Variants in DAGLA observed in about 807,000 individuals in gnomAD.
DAGLA encodes the protein diacylglycerol lipase-alpha.
DAGLA carries 22 observed loss-of-function variants against 102.6 expected under a neutral mutation model. The observed-to-expected ratio is 0.21, with a 90% CI of 0.15 to 0.31. The LOEUF is 0.31. Among genes scored for constraint, DAGLA ranks in the 10% least tolerant of loss-of-function variants. DAGLA has a pLI of 1.00. For synonymous variants in DAGLA, 578 were observed against 628.9 expected (o/e 0.92, Z 1.21); for missense variants, 927 against 1,446.6 (o/e 0.64, Z 5.83).
chr11:61,737,334 C>G lies in DAGLA; in HGVS notation c.1514+10C>G. ...CAGGGGGCCTGCTGAGGTGAGCCAT[C>G]TGGGGCTTCAGAGTTGGCTGGGGCA... On this transcript the variant is annotated intron_variant, in intron 14 of 19. Coordinates refer to ENST00000257215, the MANE Select transcript of DAGLA (RefSeq NM_006133.3). 6.2e-7 allele frequency: 1 copy of G among 1,609,476 alleles called. No individual in the cohort carries two copies. The highest frequency in any genetic ancestry group is 8.5e-7 in the Non-Finnish European group (1 of 1,180,006).
At chr11:61,733,260 G>C (rs1406174930) in intron 9 of DAGLA, among the ~76,000 whole-genome samples, 2 of 152,310 alleles carry the variant, frequency 1.3e-5, no homozygotes, top group East Asian at 3.9e-4. Context: ...CACTGTTACA[G>C]CCTCATGCTC....
intron 1 of DAGLA, among the ~76,000 whole-genome samples, chr11:61,710,095 T>C (rs1291279116): frequency 2.6e-5 from 4 of 151,904 alleles, no homozygotes; most frequent in Non-Finnish European, 5.9e-5. Flanking sequence ...ACAGCTTCAT[T>C]AGGGGGCCCC....
intron 1 of DAGLA, among the ~76,000 whole-genome samples, chr11:61,685,014 G>A (rs957292082): frequency 2.6e-5 from 4 of 152,130 alleles, no homozygotes; most frequent in East Asian, 3.8e-4. Flanking sequence ...ACCCTTCTGT[G>A]TGCTACCTGG....
chr11:61,698,093 A>G (rs575531819), intron 1 of DAGLA, among the ~76,000 whole-genome samples: 2 of 152,332 alleles, frequency 1.3e-5, no homozygotes, highest in East Asian at 3.9e-4. Flanking sequence ...CTTATTGTGG[A>G]GTTGCCTTCT....
At chr11:61,723,773 C>T (rs1422392737) in intron 5 of DAGLA, among the ~76,000 whole-genome samples, 1 of 152,238 alleles carries the variant, frequency 6.6e-6, no homozygotes. Context: ...CAATTCTTGT[C>T]TCATGTTGTT....
At chr11:61,726,103 C>T in intron 6 of DAGLA, 21 bp downstream of exon 6, 2 of 1,605,200 alleles carry the variant, frequency 1.2e-6, no homozygotes, top group Non-Finnish European at 1.7e-6. Context: ...GGAGGTCGCT[C>T]CCCTCTGGCT....
chr11:61,722,614 A>C (rs2065293304), intron 3 of DAGLA, among the ~76,000 whole-genome samples: 1 of 152,156 alleles, frequency 6.6e-6, no homozygotes. Flanking sequence ...GAGAGCACAG[A>C]AGCTAGGAGA....
chr11:61,717,906 G>A (rs1658985224), intron 1 of DAGLA, among the ~76,000 whole-genome samples: 1 of 152,222 alleles, frequency 6.6e-6, no homozygotes, highest in African/African-American at 2.4e-5. Flanking sequence ...GCAGGGCCCA[G>A]GGCCAGGTTC....
intron 1 of DAGLA, among the ~76,000 whole-genome samples, chr11:61,704,151 A>T (rs1250874548): frequency 6.9e-6 from 1 of 145,334 alleles, no homozygotes; most frequent in African/African-American, 2.6e-5. Flanking sequence ...ATGGAGTCTC[A>T]CTCTGTCACC....
intron 16 of DAGLA, among the ~76,000 whole-genome samples, chr11:61,738,444 A>G (rs563397890): frequency 6.6e-6 from 1 of 152,306 alleles, no homozygotes; most frequent in East Asian, 1.9e-4. Flanking sequence ...AGGGACTTGC[A>G]TTTGCTCACA....
At chr11:61,736,610 C>T (rs560130723) in intron 13 of DAGLA, among the ~76,000 whole-genome samples, 82 of 152,344 alleles carry the variant, frequency 5.4e-4, no homozygotes, top group African/African-American at 1.8e-3. Context: ...TCAGGGCAGA[C>T]GGCTTTTAAG....
At chr11:61,739,424 A>G in intron 16 of DAGLA, 41 bp from the exon 17 acceptor site, 1 of 1,521,320 alleles carries the variant, frequency 6.6e-7, no homozygotes, top group Non-Finnish European at 8.9e-7. Context: ...AGCCAGTGCT[A>G]CTTAGCTCTG....
intron 1 of DAGLA, among the ~76,000 whole-genome samples, chr11:61,696,521 A>C (rs2065067307): frequency 6.7e-6 from 1 of 148,174 alleles, no homozygotes; most frequent in African/African-American, 2.5e-5. Flanking sequence ...GAGGCAGGAG[A>C]ATAGGGAAGC....
chr11:61,705,964 C>T (rs898239019), intron 1 of DAGLA, among the ~76,000 whole-genome samples: 2 of 152,250 alleles, frequency 1.3e-5, no homozygotes, highest in Non-Finnish European at 2.9e-5. Flanking sequence ...TGCTCCTGGG[C>T]CAGCCCAGCC....
intron 1 of DAGLA, among the ~76,000 whole-genome samples, chr11:61,687,418 C>T (rs962818172): frequency 2.0e-5 from 3 of 152,118 alleles, no homozygotes; most frequent in South Asian, 2.1e-4. Context: ...CTGCAACCTC[C>T]GCCTCCTGGT....
Position 61,744,412 on chromosome 11 carries a change from AAGATCC to A in DAGLA, c.3053_3058del (p.Lys1018_Ile1019del). The stretch of plus-strand genomic sequence containing the variant: ...TAGCCAGGAATGCCTGGCGGCTGAC[AAGATCC>A]GGACTTCTACCCCCACTGGCCACGG... On this transcript the variant is annotated inframe_deletion, in exon 20 of 20. Coordinates refer to ENST00000257215, the MANE Select transcript of DAGLA (RefSeq NM_006133.3). 2 of 1,610,426 alleles carry A rather than the reference AAGATCC, an allele frequency of 1.2e-6. No homozygotes were observed. The highest frequency in any genetic ancestry group is 2.7e-5 in the African/African-American group (2 of 74,980).
chr11:61,745,761 A>C lies in DAGLA; in HGVS notation c.*1272A>C, dbSNP rs2065531863. 1 of 152,328 alleles carries C rather than the reference A, an allele frequency of 6.6e-6. No individual in the cohort carries two copies. The highest frequency in any genetic ancestry group is 2.1e-4 in the South Asian group (1 of 4,828). The allele number at this position is 152,328 out of a possible 1,614,324, so 9.4% of individuals were successfully genotyped here. On this transcript the variant is annotated 3_prime_UTR_variant, in exon 20 of 20. Transcript: ENST00000257215. ...GTGTTGGCGCGTATGCATGTGCATG[A>C]GTGTGCACCGTTCCTAAGGAAGGGG...
intron 1 of DAGLA, 105 bp from the exon 2 acceptor site, chr11:61,720,007 G>A: frequency 4.1e-6 from 3 of 729,286 alleles, no homozygotes; most frequent in Middle Eastern, 3.9e-4. Flanking sequence ...AAAAATGCCT[G>A]TGCTTCTGGC....
chr11:61,721,913 C>T (rs1382934543), intron 3 of DAGLA, among the ~76,000 whole-genome samples: 1 of 152,240 alleles, frequency 6.6e-6, no homozygotes, highest in Non-Finnish European at 1.5e-5. Flanking sequence ...TGTCTGGCTC[C>T]AAAGTCTGGT....
Sources: allele counts gnomAD v4.1 joint callset (sites outside exome capture counted in the v4.1 genomes callset), GRCh38; gene constraint gnomAD v4.1.1; transcripts MANE v1.5; gene names NCBI Gene and HGNC (gene_info 2026-07-23, HGNC 2026-07-21).